The following RBM33 variants were observed in gnomAD, a reference collection of about 807,000 sequenced individuals.
RBM33 encodes RNA-binding protein 33.
A neutral mutation model predicts 132.6 loss-of-function variants in RBM33; 28 were observed. The observed-to-expected ratio is 0.21, with a 90% CI of 0.16 to 0.29. The LOEUF (loss-of-function observed/expected upper bound fraction) is 0.29, where lower values mean the gene tolerates loss of function less well. Ranked by LOEUF, RBM33 falls within the 10% of genes least tolerant of loss-of-function variation. The pLI is 1.00. For missense variants in RBM33, 1,291 were observed against 1,518.5 expected (o/e 0.85, Z 2.49); for synonymous variants, 634 against 593.0 (o/e 1.07, Z -1.01).
chr7:155,661,168 G>A (rs1476935470), intron 1 of RBM33, among the ~76,000 whole-genome samples: 2 of 106,028 alleles, frequency 1.9e-5, no homozygotes, highest in South Asian at 3.1e-4. Context: ...TTGAGACAGA[G>A]TCTCACTCTT....
At chr7:155,760,719 T>G (rs188190359) in intron 14 of RBM33, among the ~76,000 whole-genome samples, 24 of 152,350 alleles carry the variant, frequency 1.6e-4, no homozygotes, top group African/African-American at 5.3e-4. Context: ...CAAGCATGTA[T>G]AAAACTAGAG....
chr7:155,685,887 C>A (rs1799463582), intron 5 of RBM33, among the ~76,000 whole-genome samples: 1 of 152,186 alleles, frequency 6.6e-6, no homozygotes, highest in African/African-American at 2.4e-5. Flanking sequence ...GGTGTTATTT[C>A]AAGGATTTAG....
At chr7:155,680,453 A>T in intron 4 of RBM33, 137 bp from the exon 5 acceptor site, 1 of 667,274 alleles carries the variant, frequency 1.5e-6, no homozygotes, top group Non-Finnish European at 2.5e-6. Flanking sequence ...TGTTGGAGTT[A>T]ATGTGCATTT....
chr7:155,720,502 TA>T (rs546431098), intron 9 of RBM33, among the ~76,000 whole-genome samples: 152 of 152,326 alleles, frequency 1.0e-3, no homozygotes, highest in African/African-American at 3.6e-3. Context: ...TGAGTAAAGT[TA>T]TTTTTTTCTT....
intron 1 of RBM33, among the ~76,000 whole-genome samples, chr7:155,646,222 A>T (rs1798188935): frequency 6.6e-6 from 1 of 152,154 alleles, no homozygotes; most frequent in East Asian, 1.9e-4. Context: ...TAACATGTGA[A>T]GACGTTATGC....
At chr7:155,773,259 G>A (rs1455718864) in intron 16 of RBM33, among the ~76,000 whole-genome samples, 2 of 152,148 alleles carry the variant, frequency 1.3e-5, no homozygotes, top group African/African-American at 4.8e-5. Context: ...CCTGCCCAGG[G>A]ACACCTGTTC....
chr7:155,668,977 C>T (rs1027042126), intron 2 of RBM33, among the ~76,000 whole-genome samples: 1 of 152,084 alleles, frequency 6.6e-6, no homozygotes, highest in Non-Finnish European at 1.5e-5. Flanking sequence ...TGGTGTGAGA[C>T]GGTTCTAGGT....
chr7:155,650,821 G>T (rs945758808), intron 1 of RBM33, among the ~76,000 whole-genome samples: 8 of 152,276 alleles, frequency 5.3e-5, no homozygotes, highest in Admixed American at 1.3e-4. Flanking sequence ...TTTATGTTCA[G>T]ATTTCCACAT....
chr7:155,679,873 T>C lies in RBM33; in HGVS notation c.249-717T>C, dbSNP rs147162210. On this transcript the variant is annotated intron_variant, in intron 4 of 17. Transcript: ENST00000401878. ...GAACACAGATTTGCACGATCTTACATGGGAAATGTTATCTTGCACCTTATT... is the reference window on the plus strand; with the variant it reads ...GAACACAGATTTGCACGATCTTACACGGGAAATGTTATCTTGCACCTTATT... Among the ~76,000 whole-genome samples, 386 of 152,346 alleles carry C rather than the reference T, an allele frequency of 2.5e-3. 1 individual carries two copies. The South Asian group carries it at 0.026, about 10-fold the overall frequency.
chr7:155,645,104 C>T (rs905416868), intron 1 of RBM33, 185 bp downstream of exon 1: 5 of 514,208 alleles, frequency 9.7e-6, no homozygotes, highest in African/African-American at 4.1e-5. Flanking sequence ...TCTCGCTCCT[C>T]CTCTCCGCTG....
At chr7:155,672,766 G>T in intron 2 of RBM33, 101 bp from the exon 3 acceptor site, 4 of 512,472 alleles carry the variant, frequency 7.8e-6, no homozygotes, top group Non-Finnish European at 1.3e-5. Context: ...AAAAAAAAAA[G>T]GTACCTGAGC....
chr7:155,739,561 A>G (rs776718260), intron 11 of RBM33, 154 bp from the exon 12 acceptor site: 45 of 743,272 alleles, frequency 6.1e-5, no homozygotes, highest in Admixed American at 1.5e-4. Flanking sequence ...ACTGCATTTT[A>G]GATAGTATTA....
chr7:155,730,213 T>C (rs1194451085), intron 9 of RBM33, among the ~76,000 whole-genome samples: 2 of 152,122 alleles, frequency 1.3e-5, no homozygotes, highest in African/African-American at 4.8e-5. Context: ...TGGAAGTGGA[T>C]TGGAGACATT....
chr7:155,644,981 C>CG (rs1554463742), intron 1 of RBM33, 62 bp downstream of exon 1: 8 of 1,303,962 alleles, frequency 6.1e-6, no homozygotes, highest in South Asian at 4.3e-5. Flanking sequence ...GGGTGTAGGC[C>CG]GGGGGGCCTC....
intron 16 of RBM33, among the ~76,000 whole-genome samples, chr7:155,768,814 T>C (rs1370613588): frequency 6.6e-6 from 1 of 152,066 alleles, no homozygotes; most frequent in African/African-American, 2.4e-5. Context: ...GAGGTTTCAC[T>C]GTGTTAGCCA....
chr7:155,673,764 G>GCGCA (rs1563138007), intron 3 of RBM33, among the ~76,000 whole-genome samples: 1,248 of 17,184 alleles, frequency 0.073, 74 homozygotes, highest in Middle Eastern at 0.17. Context: ...ACGCGCGCAT[G>GCGCA]CGCGCACACA....
intron 14 of RBM33, among the ~76,000 whole-genome samples, chr7:155,762,985 A>C (rs1175269728): frequency 1.3e-5 from 2 of 152,240 alleles, no homozygotes; most frequent in Non-Finnish European, 2.9e-5. Context: ...TACTGAAAGC[A>C]GCTGATAGGC....
At chr7:155,756,892 G>A (rs1468342143) in intron 14 of RBM33, among the ~76,000 whole-genome samples, 1 of 152,118 alleles carries the variant, frequency 6.6e-6, no homozygotes, top group Non-Finnish European at 1.5e-5. Context: ...CAGCATGGCT[G>A]TTGTAATACC....
At chr7:155,727,565 T>A (rs115828313) in intron 9 of RBM33, among the ~76,000 whole-genome samples, 68 of 152,380 alleles carry the variant, frequency 4.5e-4, no homozygotes, top group African/African-American at 1.6e-3. Flanking sequence ...AGACCTGCTA[T>A]TTGTCAAACC....
Sources: allele counts gnomAD v4.1 joint callset (sites outside exome capture counted in the v4.1 genomes callset), GRCh38; gene constraint gnomAD v4.1.1; transcripts MANE v1.5; gene names NCBI Gene and HGNC (gene_info 2026-07-23, HGNC 2026-07-21).